The following ENPP3 variants were observed in gnomAD, a reference collection of about 807,000 sequenced individuals.
ENPP3 encodes the protein ectonucleotide pyrophosphatase/phosphodiesterase 3, also known as ectonucleotide pyrophosphatase/phosphodiesterase family member 3.
A neutral mutation model predicts 117.8 loss-of-function variants in ENPP3; 104 were observed. The observed-to-expected ratio is 0.88, with a 90% CI of 0.75 to 1.04. ENPP3 has a LOEUF of 1.04. Ranked by LOEUF, ENPP3 falls within the 50% of genes least tolerant of loss-of-function variation. ENPP3 has a pLI of 0.00. For missense variants in ENPP3, 1,026 were observed against 1,051.9 expected (o/e 0.98, Z 0.34); for synonymous variants, 380 against 349.9 (o/e 1.09, Z -0.96).
At chr6:131,681,491 A>G (rs1585660668) in intron 11 of ENPP3, among the ~76,000 whole-genome samples, 2 of 149,686 alleles carry the variant, frequency 1.3e-5, no homozygotes, top group East Asian at 3.9e-4. Context: ...CATTGCTATT[A>G]TGCTTTCTTA....
At chr6:131,743,369 A>G (rs1165053745) in intron 24 of ENPP3, among the ~76,000 whole-genome samples, 3 of 152,062 alleles carry the variant, frequency 2.0e-5, no homozygotes, top group Non-Finnish European at 4.4e-5. Context: ...CTTTGGGCAA[A>G]TATGTTAGTT....
At chr6:131,655,610 G>T (rs1311105899) in intron 5 of ENPP3, among the ~76,000 whole-genome samples, 1 of 152,226 alleles carries the variant, frequency 6.6e-6, no homozygotes, top group East Asian at 1.9e-4. Flanking sequence ...TGATAACCGG[G>T]AGGAGAGAGA....
At chr6:131,737,957 C>A in intron 22 of ENPP3, 74 bp from the exon 23 acceptor site, 1 of 1,043,382 alleles carries the variant, frequency 9.6e-7, no homozygotes, top group Non-Finnish European at 1.4e-6. Context: ...TTTAAATGTA[C>A]TTGTCTATAA....
At chr6:131,699,235 CAAAAAAAA>C (rs4053087) in intron 15 of ENPP3, among the ~76,000 whole-genome samples, 8 of 107,962 alleles carry the variant, frequency 7.4e-5, no homozygotes, top group South Asian at 5.9e-4. Context: ...AAGACTGTCT[CAAAAAAAA>C]AAAAAAAAAA....
chr6:131,675,830 C>T (rs540037355), intron 9 of ENPP3, among the ~76,000 whole-genome samples: 70 of 152,068 alleles, frequency 4.6e-4, no homozygotes, highest in African/African-American at 1.3e-3. Context: ...CGACAGAGCG[C>T]GACTCCGTCT....
Position 131,733,607 on chromosome 6 carries a change from C to A in ENPP3, c.1973C>A (p.Pro658His). Reference sequence around the variant, plus strand: ...GAACAGGGAGACACATCGCCTCTGCCTCCCACTGTCCCAGACTGTCTGCGG... The same window carrying A: ...GAACAGGGAGACACATCGCCTCTGCATCCCACTGTCCCAGACTGTCTGCGG... ...VPQLGDTSPL[P>H]PTVPDCLRAD... The change falls in exon 21 of 25, where the codon CCT (proline) becomes CAT (histidine). Residue 658 changes from proline (P) to histidine (H), a missense_variant. Transcript: ENST00000357639. The A allele has an allele frequency of 6.2e-7, 1 of 1,613,402 alleles. No homozygotes were observed. The highest frequency in any genetic ancestry group is 8.5e-7 in the Non-Finnish European group (1 of 1,179,442).
rs151220856 is a variant in ENPP3 at position 131,678,915 on chromosome 6, T to C, written c.1011+975T>C. On this transcript the variant is annotated intron_variant, in intron 11 of 24. Coordinates refer to ENST00000357639, the MANE Select transcript of ENPP3 (RefSeq NM_005021.5). ...TCCCTTTCTTTCTTTCTCTCTTTCT[T>C]TCTTTCTTTCTTTCTTTCTTTCTTT... Among the ~76,000 whole-genome samples the C allele has an allele frequency of 9.7e-3, 546 of 56,450 alleles. 10 individuals carry two copies. Among genetic ancestry groups the C allele is most frequent in the African/African-American group, 0.061 (451 of 7,426 alleles). The allele number at this position is 56,450 out of a possible 152,430, so 37.0% of individuals were successfully genotyped here.
chr6:131,705,100 A>AG (rs1300697604), intron 15 of ENPP3, among the ~76,000 whole-genome samples: 1 of 43,656 alleles, frequency 2.3e-5, no homozygotes, highest in South Asian at 5.4e-4. Flanking sequence ...AGGCCAGAAG[A>AG]GGAAGAGAGA....
chr6:131,737,403 A>G lies in ENPP3; in HGVS notation c.2138A>G (p.Asn713Ser), dbSNP rs1235687303. 1.2e-6 allele frequency: 2 copies of G among 1,604,674 alleles called. No homozygotes were observed. The highest frequency in any genetic ancestry group is 1.3e-5 in the African/African-American group (1 of 74,712). ...CAATATGATGCTTTAATTACTAGCA[A>G]TTTGGTACCTATGTATGAAGAATTC... ...DSQYDALITS[N>S]LVPMYEEFRK... The change falls in exon 22 of 25, where the codon AAT becomes AGT. Residue 713 changes from asparagine to serine, a missense_variant. Asn to Ser is a conservative substitution (Grantham distance 46). Coordinates refer to ENST00000357639, the MANE Select transcript of ENPP3 (RefSeq NM_005021.5).
chr6:131,679,027 T>TCTC lies in ENPP3; in HGVS notation c.1011+1087_1011+1088insCTC, dbSNP rs1562446886. Among the ~76,000 whole-genome samples, 6 of 75,868 alleles carry TCTC rather than the reference T, an allele frequency of 7.9e-5. 1 individual carries two copies. The highest frequency in any genetic ancestry group is 3.9e-4 in the African/African-American group (6 of 15,540). The allele number at this position is 75,868 out of a possible 152,430, so 49.8% of individuals were successfully genotyped here. ...CTTCCTTCCTTCCTTCCTTCCTTCC[T>TCTC]TCTTTCTTTCTTTCTTTCTTTCTTT... On this transcript the variant is annotated intron_variant, in intron 11 of 24. Coordinates refer to ENST00000357639, the MANE Select transcript of ENPP3 (RefSeq NM_005021.5).
chr6:131,674,189 A>G lies in ENPP3; in HGVS notation c.670A>G (p.Ile224Val). The G allele has an allele frequency of 6.4e-7, 1 of 1,572,540 alleles. No homozygotes were observed. The highest frequency in any genetic ancestry group is 8.7e-7 in the Non-Finnish European group (1 of 1,143,492). Reference protein sequence around the residue: ...TGLYPESHGIIDNNMYDVNLN... With the variant: ...TGLYPESHGIVDNNMYDVNLN... Reference sequence around the variant, plus strand: ...CTTGTATCCAGAGTCACATGGCATCATTGACAATAATATGTATGATGTAAA... The same window carrying G: ...CTTGTATCCAGAGTCACATGGCATCGTTGACAATAATATGTATGATGTAAA... Residue 224 changes from isoleucine (I) to valine (V), a missense_variant, in exon 8 of 25, where the codon ATT becomes GTT. By Grantham distance (29) the Ile-to-Val change is conservative. Coordinates refer to ENST00000357639, the MANE Select transcript of ENPP3 (RefSeq NM_005021.5).
intron 11 of ENPP3, among the ~76,000 whole-genome samples, chr6:131,679,254 T>A (rs1778970193): frequency 6.6e-6 from 1 of 151,246 alleles, no homozygotes; most frequent in Non-Finnish European, 1.5e-5. Context: ...GCCACCACGC[T>A]AGGCTAATTT....
intron 11 of ENPP3, among the ~76,000 whole-genome samples, chr6:131,681,954 T>G (rs1779031640): frequency 6.6e-6 from 1 of 152,074 alleles, no homozygotes; most frequent in Admixed American, 6.5e-5. Flanking sequence ...TGCCTCAGCT[T>G]CCCTAGTAGC....
intron 6 of ENPP3, among the ~76,000 whole-genome samples, chr6:131,662,325 AC>A (rs1283089202): frequency 6.6e-6 from 1 of 151,420 alleles, no homozygotes; most frequent in Non-Finnish European, 1.5e-5. Flanking sequence ...GCTCACTGCC[AC>A]CTCTGCCTCC....
chr6:131,720,521 T>C (rs1224633644), intron 17 of ENPP3, 142 bp downstream of exon 17: 1 of 505,392 alleles, frequency 2.0e-6, no homozygotes. Context: ...GGAAGAATTA[T>C]TCATTATTCA....
chr6:131,724,152 C>A, intron 19 of ENPP3, 61 bp downstream of exon 19: 1 of 1,164,004 alleles, frequency 8.6e-7, no homozygotes, highest in Non-Finnish European at 1.3e-6. Flanking sequence ...CACAATGTGG[C>A]CCTTTTAGGA....
intron 11 of ENPP3, among the ~76,000 whole-genome samples, chr6:131,678,925 C>CTTTCTTTCTTTCTT (rs1778936214): frequency 1.4e-5 from 1 of 69,610 alleles, no homozygotes; most frequent in East Asian, 3.8e-4. Context: ...TTCTTTCTTT[C>CTTTCTTTCTTTCTT]TTTCTTTCTT....
intron 11 of ENPP3, among the ~76,000 whole-genome samples, chr6:131,681,255 T>C (rs1418906029): frequency 6.6e-6 from 1 of 152,228 alleles, no homozygotes; most frequent in East Asian, 1.9e-4. Context: ...ACTGAAGGAC[T>C]GTGAACATGT....
rs996101606 is a variant in ENPP3, at chr6:131,733,819, C to G, written c.2089+96C>G. ...AACATATACTCCCCACCAAAACTAC[C>G]TGCTTGGGTAAGCTAGCTGCCTGAG... On this transcript the variant is annotated intron_variant, in intron 21 of 24. Transcript: ENST00000357639. 55 of 1,315,602 alleles carry G rather than the reference C, an allele frequency of 4.2e-5. No individual in the cohort carries two copies. In the African/African-American group the frequency reaches 7.3e-4, roughly 17 times the overall value. The allele number at this position is 1,315,602 out of a possible 1,614,324, so 81.5% of individuals were successfully genotyped here.
Sources: allele counts gnomAD v4.1 joint callset (sites outside exome capture counted in the v4.1 genomes callset), GRCh38; gene constraint gnomAD v4.1.1; transcripts MANE v1.5; gene names NCBI Gene and HGNC (gene_info 2026-07-23, HGNC 2026-07-21).